The following NAV3 variants were observed in gnomAD, a reference collection of about 807,000 sequenced individuals.
NAV3 encodes the protein neuron navigator 3, also known as pore membrane and/or filament interacting like protein 1.
NAV3 carries 87 observed loss-of-function variants against 244.7 expected under a neutral mutation model. That is an observed-to-expected ratio of 0.36 (90% CI 0.30 to 0.42). The LOEUF (loss-of-function observed/expected upper bound fraction) is 0.42, where lower values mean the gene tolerates loss of function less well. Among genes scored for constraint, NAV3 ranks in the 20% least tolerant of loss-of-function variants. The pLI is 1.00. For synonymous variants in NAV3, 1,126 were observed against 1,042.2 expected, an observed-to-expected ratio of 1.08 and a Z score of -1.55; for missense variants, 2,663 against 2,893.3, an observed-to-expected ratio of 0.92 and a Z score of 1.83.
In NAV3 at chr12:78,044,124, G is replaced by C. The variant is rs1309182135; in HGVS notation, c.2024-5869G>C. On this transcript the variant is annotated intron_variant, in intron 9 of 39. Transcript: ENST00000397909. ...ATTTTTGTGTAAAGTGTAAGGAAGGGATCCAGTTTCAGTTATATGCATGTG... is the reference window on the plus strand; with the variant it reads ...ATTTTTGTGTAAAGTGTAAGGAAGGCATCCAGTTTCAGTTATATGCATGTG... Among the ~76,000 whole-genome samples the C allele has an allele frequency of 2.4e-4, 37 of 152,138 alleles. 2 individuals carry two copies. Among genetic ancestry groups the C allele is most frequent in the Non-Finnish European group, 1.5e-5 (1 of 68,038 alleles).
At chr12:77,614,510 C>T (rs1871072335) in intron 2 of NAV3, among the ~76,000 whole-genome samples, 1 of 151,980 alleles carries the variant, frequency 6.6e-6, no homozygotes, top group African/African-American at 2.4e-5. Flanking sequence ...TATTTTAAAT[C>T]GTTTATTCTT....
chr12:77,802,350 A>T (rs1056583924), intron 2 of NAV3, among the ~76,000 whole-genome samples: 1 of 152,216 alleles, frequency 6.6e-6, no homozygotes, highest in Admixed American at 6.5e-5. Context: ...TTTCAACTAT[A>T]GTTGATTCTA....
intron 2 of NAV3, among the ~76,000 whole-genome samples, chr12:77,639,495 G>A (rs996051482): frequency 6.6e-6 from 1 of 152,138 alleles, no homozygotes; most frequent in African/African-American, 2.4e-5. Flanking sequence ...TAAATTGTAT[G>A]AGAACAGAGA....
chr12:78,103,670 T>A (rs948615702), intron 12 of NAV3, among the ~76,000 whole-genome samples: 4 of 152,192 alleles, frequency 2.6e-5, no homozygotes, highest in African/African-American at 9.6e-5. Flanking sequence ...TTCACAATCA[T>A]GGCAGGAGGC....
chr12:77,701,743 G>A (rs905523283), intron 2 of NAV3, among the ~76,000 whole-genome samples: 2 of 151,714 alleles, frequency 1.3e-5, no homozygotes, highest in Admixed American at 1.3e-4. Context: ...TGACTCATAG[G>A]TTGTTTTAGT....
intron 24 of NAV3, among the ~76,000 whole-genome samples, chr12:78,169,335 T>C (rs577031807): frequency 9.2e-5 from 14 of 151,880 alleles, no homozygotes; most frequent in African/African-American, 3.4e-4. Flanking sequence ...AAAAGGTACA[T>C]TTCCTGTAGA....
At chr12:77,933,693 C>A (rs1159594625) in intron 1 of NAV3, among the ~76,000 whole-genome samples, 1 of 152,076 alleles carries the variant, frequency 6.6e-6, no homozygotes, top group African/African-American at 2.4e-5. Context: ...TTAATGGATT[C>A]GTTTCATAAT....
intron 18 of NAV3, among the ~76,000 whole-genome samples, chr12:78,136,502 A>C (rs1026423487): frequency 3.3e-5 from 5 of 152,218 alleles, no homozygotes; most frequent in Admixed American, 3.3e-4. Context: ...GAAATATAAC[A>C]TGTTTGTGAC....
intron 2 of NAV3, among the ~76,000 whole-genome samples, chr12:77,623,152 G>A (rs1031483749): frequency 3.3e-5 from 5 of 152,088 alleles, no homozygotes; most frequent in Non-Finnish European, 7.4e-5. Flanking sequence ...ACATTTGTAA[G>A]AGCATGAATA....
chr12:78,174,912 T>TA (rs1299223980), intron 24 of NAV3, among the ~76,000 whole-genome samples: 1 of 152,046 alleles, frequency 6.6e-6, no homozygotes, highest in Non-Finnish European at 1.5e-5. Context: ...GCACAAATAT[T>TA]AAAAAGCACA....
intron 2 of NAV3, among the ~76,000 whole-genome samples, chr12:77,807,583 A>G (rs565998837): frequency 1.3e-5 from 2 of 152,182 alleles, no homozygotes; most frequent in Non-Finnish European, 2.9e-5. Flanking sequence ...GGGTAACCCA[A>G]CCTTTCTCTC....
chr12:77,754,482 T>C (rs1483016439), intron 2 of NAV3, among the ~76,000 whole-genome samples: 1 of 152,190 alleles, frequency 6.6e-6, no homozygotes, highest in Admixed American at 6.5e-5. Flanking sequence ...TACTTAGTCT[T>C]CCCTTTTCAT....
At chr12:78,138,340 G>A (rs1181519235) in intron 19 of NAV3, among the ~76,000 whole-genome samples, 2 of 152,048 alleles carry the variant, frequency 1.3e-5, no homozygotes, top group African/African-American at 4.8e-5. Flanking sequence ...TGAAATATGA[G>A]AACAAAGAAT....
At chr12:77,919,157 A>G (rs71462118) in intron 1 of NAV3, among the ~76,000 whole-genome samples, 11,637 of 152,162 alleles carry the variant, frequency 0.076, 570 homozygotes, top group Non-Finnish European at 0.11. Context: ...GAAAGTGAAC[A>G]AACAACAAAT....
At chr12:77,862,414 CAG>C (rs1249604105) in intron 1 of NAV3, among the ~76,000 whole-genome samples, 1 of 150,834 alleles carries the variant, frequency 6.6e-6, no homozygotes, top group Non-Finnish European at 1.5e-5. Flanking sequence ...TTTGTAATGA[CAG>C]AAGAGTTTTG....
intron 28 of NAV3, among the ~76,000 whole-genome samples, chr12:78,178,814 A>T (rs1958370439): frequency 6.6e-6 from 1 of 152,056 alleles, no homozygotes; most frequent in African/African-American, 2.4e-5. Flanking sequence ...ATATAAAACA[A>T]TTTTTTTGGC....
intron 22 of NAV3, among the ~76,000 whole-genome samples, chr12:78,154,230 T>A (rs926794887): frequency 1.5e-5 from 2 of 133,436 alleles, no homozygotes; most frequent in Non-Finnish European, 3.2e-5. Flanking sequence ...TGCCTATATA[T>A]GCACCTATAT....
chr12:77,978,952 C>T (rs1272756993), intron 5 of NAV3, among the ~76,000 whole-genome samples: 1 of 151,774 alleles, frequency 6.6e-6, no homozygotes, highest in Non-Finnish European at 1.5e-5. Context: ...GGTTAGTTTT[C>T]ACTAGAAAAC....
chr12:77,742,249 T>G (rs1439904150), intron 2 of NAV3, among the ~76,000 whole-genome samples: 4 of 152,132 alleles, frequency 2.6e-5, no homozygotes, highest in African/African-American at 9.7e-5. Flanking sequence ...ATCCACAGGA[T>G]AAGTTGTGCT....
Sources: allele counts gnomAD v4.1 joint callset (sites outside exome capture counted in the v4.1 genomes callset), GRCh38; gene constraint gnomAD v4.1.1; transcripts MANE v1.5; gene names NCBI Gene and HGNC (gene_info 2026-07-23, HGNC 2026-07-21).